The following HINT3 variants were observed in gnomAD, a reference collection of about 807,000 sequenced individuals.
The protein encoded by HINT3 is adenosine 5'-monophosphoramidase HINT3.
In HINT3, 16 loss-of-function variants were observed where a neutral mutation model predicts 19.1. That is an observed-to-expected ratio of 0.84 (90% CI 0.57 to 1.27). The LOEUF is 1.27. HINT3 is among the 50% of genes most tolerant of loss of function. HINT3 has a pLI of 0.00. For missense variants in HINT3, 197 were observed against 225.8 expected (o/e 0.87, Z 0.82); for synonymous variants, 75 against 84.8 (o/e 0.88, Z 0.63).
At position 125,971,096 on chromosome 6, in the gene HINT3, A is replaced by G. The variant is rs531611550; in HGVS notation, c.320-1163A>G. ...AAACTATGGAGGCCTAACATTTGGC[A>G]TGGTGCTTTGAAGATCCCAGGTGAC... On this transcript the variant is annotated intron_variant, in intron 2 of 4. Coordinates refer to ENST00000229633, the MANE Select transcript of HINT3 (RefSeq NM_138571.5). Among the ~76,000 whole-genome samples the G allele has an allele frequency of 3.9e-5, 6 of 152,362 alleles. No individual in the cohort carries two copies. In the East Asian group the frequency reaches 1.2e-3, roughly 29 times the overall value.
intron 1 of HINT3, among the ~76,000 whole-genome samples, chr6:125,960,671 A>AGGGGGGAGG (rs1562211533): frequency 5.4e-5 from 5 of 92,468 alleles, no homozygotes; most frequent in Non-Finnish European, 4.5e-5. Flanking sequence ...GGGGGAAAAA[A>AGGGGGGAGG]AAAGAAGTTA....
At position 125,957,007 on chromosome 6, in the gene HINT3, CGGCCTGGCCCCCGACTGTGA is replaced by C. The variant is rs1219338498; in HGVS notation, c.36_55del (p.Ala13GlyfsTer14). 2 of 1,550,366 alleles carry C rather than the reference CGGCCTGGCCCCCGACTGTGA, an allele frequency of 1.3e-6. No homozygotes were observed. The highest frequency in any genetic ancestry group is 2.7e-5 in the African/African-American group (2 of 73,052). Reference sequence around the variant, plus strand: ...CGGAGGAACAGGTGAACCGCAGCGCCGGCCTGGCCCCCGACTGTGAGGCCTCGGCGACTGCAGAAACTACG... The same window carrying C: ...CGGAGGAACAGGTGAACCGCAGCGCCGGCCTCGGCGACTGCAGAAACTACG... On this transcript the variant is annotated frameshift_variant, in exon 1 of 5. Coordinates refer to ENST00000229633, the MANE Select transcript of HINT3 (RefSeq NM_138571.5). LOFTEE classifies it high-confidence loss of function.
intron 3 of HINT3, 93 bp downstream of exon 3, chr6:125,972,421 G>A: frequency 4.1e-6 from 3 of 727,184 alleles, no homozygotes; most frequent in Non-Finnish European, 6.5e-6. Flanking sequence ...AGAGGTGGCA[G>A]TTTGTGGTTT....
chr6:125,957,170 C>T lies in HINT3; in HGVS notation c.193C>T (p.His65Tyr), dbSNP rs1477996124. The change falls in exon 1 of 5, where the codon CAC becomes TAC. Residue 65 changes from histidine (H) to tyrosine (Y), a missense_variant. Physicochemically the swap from His to Tyr is moderately conservative, Grantham distance 83. Coordinates refer to ENST00000229633, the MANE Select transcript of HINT3 (RefSeq NM_138571.5). ...GRQDPGTELL[H>Y]CENEDLICFK... is the part of the protein sequence containing the mutation. ...GCAGGACCCGGGCACCGAACTCCTG[C>T]ACTGCGAGGTGGGCGGCGACGCGCG... is the stretch of plus-strand genomic sequence containing the variant. 1.4e-5 allele frequency: 22 copies of T among 1,544,800 alleles called. No homozygotes were observed. Among genetic ancestry groups the T allele is most frequent in the Non-Finnish European group, 1.9e-5 (22 of 1,143,136 alleles).
rs1351319607 is a variant in HINT3 at position 125,979,170 on chromosome 6, T to G, written c.*1494T>G. On this transcript the variant is annotated 3_prime_UTR_variant, in exon 5 of 5. Transcript: ENST00000229633. Reference sequence around the variant, plus strand: ...TTTCGTTGAGTTCTGCTTCCACTATTATTTACTTTACAATGGATATGAAGT... The same window carrying G: ...TTTCGTTGAGTTCTGCTTCCACTATGATTTACTTTACAATGGATATGAAGT... The G allele has an allele frequency of 7.9e-5, 12 of 152,202 alleles. No homozygotes were observed. Among genetic ancestry groups the G allele is most frequent in the Non-Finnish European group, 1.2e-4 (8 of 68,028 alleles). The allele number at this position is 152,202 out of a possible 1,614,324, so 9.4% of individuals were successfully genotyped here.
intron 1 of HINT3, among the ~76,000 whole-genome samples, chr6:125,960,671 A>AGGGGGAGGG (rs1562211533): frequency 8.7e-5 from 8 of 92,464 alleles, no homozygotes; most frequent in South Asian, 5.4e-4. Context: ...GGGGGAAAAA[A>AGGGGGAGGG]AAAGAAGTTA....
rs147213100 is a variant in HINT3 at position 125,957,062 on chromosome 6, G to T, written c.85G>T (p.Val29Leu). The T allele has an allele frequency of 6.4e-7, 1 of 1,550,848 alleles. No homozygotes were observed. Among genetic ancestry groups the T allele is most frequent in the Non-Finnish European group, 8.7e-7 (1 of 1,146,860 alleles). The change falls in exon 1 of 5, where the codon GTG becomes TTG. Residue 29 changes from valine to leucine, a missense_variant. Transcript: ENST00000229633. ...SATAETTVSS[V>L]GTCEAAGKSP... ...GACTGCAGAAACTACGGTTTCCTCA[G>T]TGGGGACCTGTGAAGCCGCTGGCAA...
rs763364782 is a variant in HINT3, at chr6:125,966,046, T to C, written c.202-841T>C. Among the ~76,000 whole-genome samples, 42 of 152,332 alleles carry C rather than the reference T, an allele frequency of 2.8e-4. 1 individual carries two copies. Among genetic ancestry groups the C allele is most frequent in the Admixed American group, 9.2e-4 (14 of 15,294 alleles). ...CATGGATTTTTTCTAAGGGAAACTC[T>C]GCTTACACTGATTTTAATTAATTTT... On this transcript the variant is annotated intron_variant, in intron 1 of 4. Coordinates refer to ENST00000229633, the MANE Select transcript of HINT3 (RefSeq NM_138571.5).
intron 2 of HINT3, among the ~76,000 whole-genome samples, chr6:125,969,640 G>A (rs2128711535): frequency 6.6e-6 from 1 of 152,106 alleles, no homozygotes; most frequent in Admixed American, 6.5e-5. Flanking sequence ...TTTTTCATTT[G>A]TTTGTATCAT....
In HINT3 at chr6:125,960,665, GAAA is replaced by G. The variant is rs71551729; in HGVS notation, c.201+3494_201+3496del. ...GAGCAAGACTCTCTCTGGGGGGGGGGAAAAAAAAAGAAGTTAGGGCAAGCAAGT... is the reference window on the plus strand; with the variant it reads ...GAGCAAGACTCTCTCTGGGGGGGGGGAAAAAAGAAGTTAGGGCAAGCAAGT... On this transcript the variant is annotated intron_variant, in intron 1 of 4. Coordinates refer to ENST00000229633, the MANE Select transcript of HINT3 (RefSeq NM_138571.5). Among the ~76,000 whole-genome samples the G allele has an allele frequency of 8.9e-5, 10 of 112,098 alleles. 1 individual carries two copies. Among genetic ancestry groups the G allele is most frequent in the African/African-American group, 1.4e-4 (5 of 34,996 alleles). The allele number at this position is 112,098 out of a possible 152,430, so 73.5% of individuals were successfully genotyped here. A position where few individuals can be genotyped will look rare whatever the true frequency, so the allele number is the denominator to read the frequency against.
chr6:125,957,999 A>G (rs1202415890), intron 1 of HINT3, among the ~76,000 whole-genome samples: 1 of 152,218 alleles, frequency 6.6e-6, no homozygotes, highest in Admixed American at 6.5e-5. Context: ...TACAATCTAA[A>G]GGGCGGAATG....
intron 2 of HINT3, among the ~76,000 whole-genome samples, chr6:125,969,120 G>C (rs1382402360): frequency 2.0e-5 from 3 of 152,056 alleles, no homozygotes; most frequent in Non-Finnish European, 4.4e-5. Flanking sequence ...GTTTCCTCTA[G>C]GATTCTTATA....
At position 125,974,972 on chromosome 6, in the gene HINT3, C is replaced by T. The variant is rs202125498; in HGVS notation, c.515C>T (p.Thr172Ile). ...AGAGTCAATTCCTATTGGTTTATCACAGTGAGTATTCTTGTTATGTCAGCA... is the reference window on the plus strand; with the variant it reads ...AGAGTCAATTCCTATTGGTTTATCATAGTGAGTATTCTTGTTATGTCAGCA... ...VYRVNSYWFI[T>I]ADHLIEKLRT The change falls in exon 4 of 5, where the codon ACA (threonine) becomes ATA (isoleucine). Residue 172 changes from threonine to isoleucine, a missense_variant and splice_region_variant. Coordinates refer to ENST00000229633, the MANE Select transcript of HINT3 (RefSeq NM_138571.5). 2 of 1,613,434 alleles carry T rather than the reference C, an allele frequency of 1.2e-6. No homozygotes were observed. Among genetic ancestry groups the T allele is most frequent in the Admixed American group, 1.7e-5 (1 of 59,960 alleles).
At chr6:125,962,370 G>A (rs1025774824) in intron 1 of HINT3, among the ~76,000 whole-genome samples, 1 of 146,194 alleles carries the variant, frequency 6.8e-6, no homozygotes, top group Admixed American at 6.8e-5. Flanking sequence ...GTAAGATACA[G>A]ATGCGTGTAT....
At chr6:125,960,117 T>A (rs769597043) in intron 1 of HINT3, among the ~76,000 whole-genome samples, 4 of 152,192 alleles carry the variant, frequency 2.6e-5, no homozygotes, top group Non-Finnish European at 4.4e-5. Context: ...TATTTACAAG[T>A]AAAAGGTTTG....
At chr6:125,975,604 A>G (rs1174643677) in intron 4 of HINT3, among the ~76,000 whole-genome samples, 1 of 136,092 alleles carries the variant, frequency 7.3e-6, no homozygotes, top group Non-Finnish European at 1.5e-5. Flanking sequence ...TTTTTGAGAC[A>G]GTCTCACTCT....
chr6:125,969,280 A>G (rs1056240461), intron 2 of HINT3, among the ~76,000 whole-genome samples: 2 of 152,050 alleles, frequency 1.3e-5, no homozygotes, highest in African/African-American at 4.8e-5. Flanking sequence ...CCCATTTCTT[A>G]TATTTGTCAA....
chr6:125,960,807 A>G (rs1197877282), intron 1 of HINT3, among the ~76,000 whole-genome samples: 2 of 152,144 alleles, frequency 1.3e-5, no homozygotes, highest in Admixed American at 6.5e-5. Flanking sequence ...CCTTTGTTGG[A>G]CTGACCCATA....
chr6:125,962,183 T>TAC (rs1788937483), intron 1 of HINT3, among the ~76,000 whole-genome samples: 1 of 69,666 alleles, frequency 1.4e-5, no homozygotes, highest in Non-Finnish European at 2.6e-5. Context: ...TATATATATA[T>TAC]ATACACATAT....
Sources: allele counts gnomAD v4.1 joint callset (sites outside exome capture counted in the v4.1 genomes callset), GRCh38; gene constraint gnomAD v4.1.1; transcripts MANE v1.5; gene names NCBI Gene and HGNC (gene_info 2026-07-23, HGNC 2026-07-21).